DGKB: variants seen among roughly 807,000 people sequenced by gnomAD.
DGKB encodes the protein diacylglycerol kinase beta.
Under a neutral mutation model 114.3 loss-of-function variants are expected in DGKB, and 67 were observed. The observed-to-expected ratio is 0.59, with a 90% confidence interval of 0.48 to 0.72. DGKB has a LOEUF of 0.72. DGKB is among the 30% of genes least tolerant of loss of function. DGKB has a pLI of 0.00. For synonymous variants in DGKB, 398 were observed against 323.1 expected (o/e 1.23, Z -2.49); for missense variants, 907 against 975.2 (o/e 0.93, Z 0.93).
At chr7:14,244,370 G>T (rs990913488) in intron 23 of DGKB, among the ~76,000 whole-genome samples, 1 of 152,000 alleles carries the variant, frequency 6.6e-6, no homozygotes, top group Non-Finnish European at 1.5e-5. Context: ...TTAGAAGAGG[G>T]TGCTGGCCGG....
chr7:14,326,659 G>A (rs538781934), intron 23 of DGKB, among the ~76,000 whole-genome samples: 99 of 152,192 alleles, frequency 6.5e-4, no homozygotes, highest in South Asian at 4.2e-3. Flanking sequence ...TTTCCTTTGC[G>A]GGAATGGCAT....
At chr7:14,891,330 C>G (rs1313634102) in intron 1 of DGKB, among the ~76,000 whole-genome samples, 1 of 151,320 alleles carries the variant, frequency 6.6e-6, no homozygotes, top group East Asian at 1.9e-4. Context: ...ACTCATCATC[C>G]CTAATCAAGA....
At chr7:14,788,266 A>T (rs1463484417) in intron 2 of DGKB, among the ~76,000 whole-genome samples, 1 of 152,246 alleles carries the variant, frequency 6.6e-6, no homozygotes, top group Non-Finnish European at 1.5e-5. Flanking sequence ...TCAGGTGTAC[A>T]GAATCTTTCT....
intron 5 of DGKB, among the ~76,000 whole-genome samples, chr7:14,729,913 C>T (rs1269126168): frequency 2.0e-5 from 3 of 152,092 alleles, no homozygotes; most frequent in African/African-American, 7.2e-5. Context: ...AAATAAATTA[C>T]TAAATGGCAC....
At chr7:14,390,522 A>G (rs1446413233) in intron 21 of DGKB, among the ~76,000 whole-genome samples, 1 of 152,164 alleles carries the variant, frequency 6.6e-6, no homozygotes, top group Admixed American at 6.5e-5. Flanking sequence ...TGAAGAAGTG[A>G]TAATGTAGGA....
Position 14,389,951 on chromosome 7 carries a change from G to T in DGKB, c.1836-44560C>A, listed in dbSNP as rs533155603. 4.6e-5 allele frequency among the ~76,000 whole-genome samples: 7 copies of T among 152,214 alleles called. No individual in the cohort carries two copies. The East Asian group carries it at 1.4e-3, about 29-fold the overall frequency. On this transcript the variant is annotated intron_variant, in intron 21 of 25. Transcript: ENST00000402815. The stretch of plus-strand genomic sequence containing the variant: ...CCCTTGTTAAAGTTAAAGGGTGAGG[G>T]CATCCCATTCAACCCCCTTTAGAGT...
intron 21 of DGKB, among the ~76,000 whole-genome samples, chr7:14,425,127 G>T (rs1452914766): frequency 6.6e-6 from 1 of 151,904 alleles, no homozygotes; most frequent in Non-Finnish European, 1.5e-5. Flanking sequence ...GATTTTCATT[G>T]ATTTTTTTCT....
chr7:14,264,554 A>C (rs567709284), intron 23 of DGKB, among the ~76,000 whole-genome samples: 1 of 152,292 alleles, frequency 6.6e-6, no homozygotes, highest in African/African-American at 2.4e-5. Flanking sequence ...CAGGGCCTAA[A>C]CCTTAAGAAA....
At chr7:14,659,647 T>A (rs925499976) in intron 13 of DGKB, among the ~76,000 whole-genome samples, 8 of 147,286 alleles carry the variant, frequency 5.4e-5, no homozygotes, top group African/African-American at 2.0e-4. Context: ...GACAATGGGG[T>A]TTTCTAGATA....
intron 23 of DGKB, among the ~76,000 whole-genome samples, chr7:14,230,049 T>C (rs931369272): frequency 6.6e-6 from 1 of 151,992 alleles, no homozygotes; most frequent in African/African-American, 2.4e-5. Context: ...AAAAGTCTTG[T>C]TGCATCCTTT....
At chr7:14,597,139 C>G (rs1224866241) in intron 17 of DGKB, among the ~76,000 whole-genome samples, 1 of 151,922 alleles carries the variant, frequency 6.6e-6, no homozygotes, top group Non-Finnish European at 1.5e-5. Flanking sequence ...ACCCAGGAGG[C>G]GGAGCTTGCA....
intron 17 of DGKB, among the ~76,000 whole-genome samples, chr7:14,585,991 C>T (rs893212853): frequency 2.6e-5 from 4 of 152,046 alleles, no homozygotes; most frequent in African/African-American, 7.2e-5. Flanking sequence ...TTAGACACAA[C>T]AGTATTGAAA....
chr7:14,190,733 T>A (rs896699307), intron 23 of DGKB: 1 of 151,170 alleles, frequency 6.6e-6, no homozygotes, highest in Non-Finnish European at 1.5e-5. Context: ...TGATACCAAC[T>A]TTTTTTTGCA....
intron 23 of DGKB, among the ~76,000 whole-genome samples, chr7:14,321,168 G>T (rs146070374): frequency 6.6e-6 from 1 of 152,094 alleles, no homozygotes; most frequent in Non-Finnish European, 1.5e-5. Context: ...GCACATGCCA[G>T]TGGTCCCAGC....
chr7:14,152,994 G>A (rs1782455117), intron 25 of DGKB, among the ~76,000 whole-genome samples: 6 of 152,054 alleles, frequency 3.9e-5, no homozygotes, highest in Admixed American at 2.6e-4. Context: ...TCAGAGAAGA[G>A]TGCAAAACTG....
chr7:14,308,012 T>A (rs1474266523), intron 23 of DGKB, among the ~76,000 whole-genome samples: 1 of 152,080 alleles, frequency 6.6e-6, no homozygotes, highest in Non-Finnish European at 1.5e-5. Context: ...TTCCTGATTT[T>A]AAAAGTAATG....
At chr7:14,544,772 T>C (rs577004479) in intron 20 of DGKB, among the ~76,000 whole-genome samples, 18 of 152,300 alleles carry the variant, frequency 1.2e-4, no homozygotes, top group African/African-American at 4.3e-4. Flanking sequence ...AAAAGTCTTC[T>C]AGGACAGGGT....
intron 21 of DGKB, among the ~76,000 whole-genome samples, chr7:14,462,470 G>A (rs1833226698): frequency 6.6e-6 from 1 of 151,992 alleles, no homozygotes; most frequent in Non-Finnish European, 1.5e-5. Flanking sequence ...AATAGACCAA[G>A]AGCCAAGTCA....
At chr7:14,293,553 T>TA (rs2128475539) in intron 23 of DGKB, among the ~76,000 whole-genome samples, 1 of 152,174 alleles carries the variant, frequency 6.6e-6, no homozygotes, top group South Asian at 2.1e-4. Flanking sequence ...AAGAAATAAA[T>TA]AAAAAACACA....
Sources: allele counts gnomAD v4.1 joint callset (sites outside exome capture counted in the v4.1 genomes callset), GRCh38; gene constraint gnomAD v4.1.1; transcripts MANE v1.5; gene names NCBI Gene and HGNC (gene_info 2026-07-23, HGNC 2026-07-21).